The following SPTBN1 variants were observed in gnomAD, a reference collection of about 807,000 sequenced individuals.
The protein encoded by SPTBN1 is spectrin beta chain, non-erythrocytic 1.
In SPTBN1, 32 loss-of-function variants were observed where a neutral mutation model predicts 266.4. The ratio of observed to expected loss-of-function variants is 0.12; its 90% confidence interval spans 0.09 to 0.16. SPTBN1 has a LOEUF of 0.16. Among genes scored for constraint, SPTBN1 ranks in the 10% least tolerant of loss-of-function variants. SPTBN1 has a pLI of 1.00. For missense variants in SPTBN1, 2,296 were observed against 3,067.1 expected, an observed-to-expected ratio of 0.75 and a Z score of 5.94; for synonymous variants, 1,336 against 1,162.2, an observed-to-expected ratio of 1.15 and a Z score of -3.04.
rs202053171 is a variant in SPTBN1, at chr2:54,558,913, C to G, written c.148+32347C>G. On this transcript the variant is annotated intron_variant, in intron 2 of 35. Transcript: ENST00000356805. This position sits in a 1 kb window ranked among gnomAD's most constrained non-coding sequence, Gnocchi z 4.6. ...GTAAGCCCCCTCCCAAAGGCCGGGC[C>G]TGTCCTGGGTGCCAACGGGGGTTCT... 1 of 1,608,872 alleles carries G rather than the reference C, an allele frequency of 6.2e-7. No homozygotes were observed. The highest frequency in any genetic ancestry group is 1.3e-5 in the African/African-American group (1 of 74,806).
chr2:54,636,376 T>TAAATATG (rs1181515335), intron 17 of SPTBN1, among the ~76,000 whole-genome samples: 1 of 152,256 alleles, frequency 6.6e-6, no homozygotes, highest in Non-Finnish European at 1.5e-5. Context: ...ATATATGATG[T>TAAATATG]TATAACATGT....
Position 54,540,966 on chromosome 2 carries a change from C to T in SPTBN1, c.148+14400C>T, listed in dbSNP as rs1671899616. ...CACAAGTGGAGGAGAATGTTGTCGT[C>T]GTTTTAACTGATGTGTAATTTAAGC... On this transcript the variant is annotated intron_variant, in intron 2 of 35. Transcript: ENST00000356805. The surrounding 1 kb of genome is among the most constrained non-coding windows in gnomAD (Gnocchi z 5.6). 6.6e-6 allele frequency among the ~76,000 whole-genome samples: 1 copy of T among 152,190 alleles called. No individual in the cohort carries two copies. Among genetic ancestry groups the T allele is most frequent in the South Asian group, 2.1e-4 (1 of 4,838 alleles).
At chr2:54,492,728 G>C (rs1171061726) in intron 1 of SPTBN1, among the ~76,000 whole-genome samples, 1 of 152,192 alleles carries the variant, frequency 6.6e-6, no homozygotes, top group Admixed American at 6.5e-5. Context: ...CCCCCAGCCT[G>C]ATGTAGAAAT....
intron 2 of SPTBN1, among the ~76,000 whole-genome samples, chr2:54,561,038 T>G (rs770085734): frequency 5.9e-5 from 9 of 152,236 alleles, no homozygotes; most frequent in Non-Finnish European, 2.9e-5. Flanking sequence ...CTGATTTAAT[T>G]TTGTACATTC....
intron 28 of SPTBN1, 60 bp from the exon 29 acceptor site, chr2:54,655,854 C>G: frequency 7.9e-7 from 1 of 1,272,694 alleles, no homozygotes. Flanking sequence ...TAAAATGACC[C>G]CATCAAGAGG....
rs1693640105 is a variant in SPTBN1 at position 54,466,524 on chromosome 2, T to G, written c.-48+10006T>G. ...TTGCAGTGAGCCGAGATCGCGCCAC[T>G]GCACTCCAGCCTGGGCGACAGAGCG... On this transcript the variant is annotated intron_variant, in intron 1 of 35. Coordinates refer to ENST00000356805, the MANE Select transcript of SPTBN1 (RefSeq NM_003128.3). Among the ~76,000 whole-genome samples the G allele has an allele frequency of 9.2e-5, 2 of 21,852 alleles. 1 individual carries two copies. Among genetic ancestry groups the G allele is most frequent in the South Asian group, 2.7e-3 (2 of 744 alleles). The allele number at this position is 21,852 out of a possible 152,430, so 14.3% of individuals were successfully genotyped here.
rs1671412140 is a variant in SPTBN1, at chr2:54,533,776, C to G, written c.148+7210C>G. 6.6e-6 allele frequency among the ~76,000 whole-genome samples: 1 copy of G among 152,172 alleles called. No individual in the cohort carries two copies. On this transcript the variant is annotated intron_variant, in intron 2 of 35. Coordinates refer to ENST00000356805, the MANE Select transcript of SPTBN1 (RefSeq NM_003128.3). This position sits in a 1 kb window ranked among gnomAD's most constrained non-coding sequence, Gnocchi z 4.2. ...ATGTTGGCCAGGCTGGTCTCGAACTCCTGACCCCAGGTGATCCGCCCGCCT... is the reference window on the plus strand; with the variant it reads ...ATGTTGGCCAGGCTGGTCTCGAACTGCTGACCCCAGGTGATCCGCCCGCCT...
At chr2:54,600,487 C>T (rs58204287) in intron 3 of SPTBN1, among the ~76,000 whole-genome samples, 3,961 of 152,170 alleles carry the variant, frequency 0.026, 168 homozygotes, top group African/African-American at 0.088. Flanking sequence ...TATAAGAAGG[C>T]AGTTGATTTG....
intron 1 of SPTBN1, among the ~76,000 whole-genome samples, chr2:54,501,480 G>A (rs142066687): frequency 6.6e-6 from 1 of 152,340 alleles, no homozygotes; most frequent in East Asian, 1.9e-4. Flanking sequence ...TAGGTACAGT[G>A]TTAGGGATAA....
chr2:54,650,013 G>T, intron 26 of SPTBN1, 24 bp downstream of exon 26: 1 of 1,582,126 alleles, frequency 6.3e-7, no homozygotes, highest in Non-Finnish European at 8.6e-7. Context: ...CCACCCAGGG[G>T]TGCTGGGGAG....
Position 54,664,625 on chromosome 2 carries a change from C to T in SPTBN1, c.6593C>T (p.Ala2198Val). 6.2e-7 allele frequency: 1 copy of T among 1,614,180 alleles called. No homozygotes were observed. Among genetic ancestry groups the T allele is most frequent in the Non-Finnish European group, 8.5e-7 (1 of 1,180,038 alleles). Residue 2198 changes from alanine (A) to valine (V), a missense_variant, in exon 33 of 36, where the codon GCC becomes GTC. Around this residue, in one of 12 missense-constraint regions of SPTBN1, gnomAD observed 347 missense variants for 368.5 expected, o/e 0.94. Transcript: ENST00000356805. The surrounding 1 kb of genome is among the most constrained non-coding windows in gnomAD (Gnocchi z 5.6). ...GCCAGAACCCAGGAGACACCTTCGG[C>T]CCAGATGGAAGGCTTCCTCAATCGG... The part of the protein sequence containing the change: ...LPARTQETPS[A>V]QMEGFLNRKH...
intron 2 of SPTBN1, among the ~76,000 whole-genome samples, chr2:54,547,670 G>C (rs1211787923): frequency 6.6e-6 from 1 of 152,154 alleles, no homozygotes; most frequent in Non-Finnish European, 1.5e-5. Flanking sequence ...GCACCAACGT[G>C]GTCTCAAATT....
At chr2:54,623,367 T>G in intron 9 of SPTBN1, 112 bp from the exon 10 acceptor site, 1 of 914,740 alleles carries the variant, frequency 1.1e-6, no homozygotes, top group Non-Finnish European at 1.8e-6. Flanking sequence ...CTGATGTCTC[T>G]TTGACATGCA....
intron 10 of SPTBN1, among the ~76,000 whole-genome samples, chr2:54,624,436 T>C (rs1678192870): frequency 6.6e-6 from 1 of 152,244 alleles, no homozygotes; most frequent in African/African-American, 2.4e-5. Context: ...AATGAGAAAT[T>C]CATATGAATT....
intron 1 of SPTBN1, among the ~76,000 whole-genome samples, chr2:54,466,900 A>G (rs1288129087): frequency 1.3e-5 from 2 of 152,204 alleles, no homozygotes; most frequent in Non-Finnish European, 2.9e-5. Context: ...AAGAACACTG[A>G]AATTTTTGAA....
intron 18 of SPTBN1, among the ~76,000 whole-genome samples, chr2:54,639,400 AG>A (rs1468316555): frequency 6.6e-6 from 1 of 152,164 alleles, no homozygotes; most frequent in Non-Finnish European, 1.5e-5. Context: ...TCCTGGGGGT[AG>A]GGGGTTCAAT....
chr2:54,631,398 C>A lies in SPTBN1; in HGVS notation c.3351C>A (p.Asp1117Glu). The change falls in exon 16 of 36, where the codon GAC becomes GAA. Residue 1117 changes from aspartate (D) to glutamate (E), a missense_variant. This residue lies in a region of SPTBN1 where 386 missense variants were observed against 486.1 expected (regional missense o/e 0.79). Coordinates refer to ENST00000356805, the MANE Select transcript of SPTBN1 (RefSeq NM_003128.3). ...ACGAGATCGACAACTACGAGGAGGA[C>A]TACCAGAAGATGAGGGACATGGGCG... ...IKNEIDNYEE[D>E]YQKMRDMGEM... The A allele has an allele frequency of 6.2e-7, 1 of 1,614,266 alleles. No homozygotes were observed. Among genetic ancestry groups the A allele is most frequent in the Non-Finnish European group, 8.5e-7 (1 of 1,180,048 alleles).
chr2:54,568,772 A>G (rs1451647193), intron 2 of SPTBN1, among the ~76,000 whole-genome samples: 1 of 152,244 alleles, frequency 6.6e-6, no homozygotes, highest in African/African-American at 2.4e-5. Context: ...GAATTTCAGC[A>G]TGATGTCCTG....
intron 24 of SPTBN1, 72 bp from the exon 25 acceptor site, chr2:54,648,914 C>T (rs1680088673): frequency 2.9e-6 from 4 of 1,375,936 alleles, no homozygotes; most frequent in South Asian, 1.3e-5. Context: ...ATCTCCACCT[C>T]ATTTGTTTTT....
Sources: allele counts gnomAD v4.1 joint callset (sites outside exome capture counted in the v4.1 genomes callset), GRCh38; gene constraint gnomAD v4.1.1; regional missense constraint gnomAD v4.1.1; non-coding constraint Gnocchi (gnomAD v3.1); transcripts MANE v1.5; gene names NCBI Gene and HGNC (gene_info 2026-07-23, HGNC 2026-07-21).